The following MCC variants were observed in gnomAD, a reference collection of about 807,000 sequenced individuals.
The protein encoded by MCC is MCC regulator of Wnt signaling pathway, also known as colorectal mutant cancer protein.
MCC carries 90 observed loss-of-function variants against 116.2 expected under a neutral mutation model. The ratio of observed to expected loss-of-function variants is 0.77; its 90% confidence interval spans 0.65 to 0.92. The LOEUF (loss-of-function observed/expected upper bound fraction) is 0.92. MCC is among the 40% of genes least tolerant of loss of function. MCC has a pLI of 0.00. For synonymous variants in MCC, 578 were observed against 510.5 expected (o/e 1.13, Z -1.78); for missense variants, 1,516 against 1,312.2 (o/e 1.16, Z -2.40).
chr5:113,307,462 C>T (rs1242518645), intron 3 of MCC, among the ~76,000 whole-genome samples: 2 of 151,984 alleles, frequency 1.3e-5, no homozygotes, highest in African/African-American at 4.8e-5. Context: ...TATGAATGTA[C>T]AGAATTGCAA....
chr5:113,275,118 T>A (rs887255807), intron 3 of MCC, among the ~76,000 whole-genome samples: 1 of 151,962 alleles, frequency 6.6e-6, no homozygotes, highest in Non-Finnish European at 1.5e-5. Context: ...AGCCAGTCCA[T>A]CGCGCGGGTG....
At chr5:113,119,557 A>C (rs3922585) in intron 6 of MCC, among the ~76,000 whole-genome samples, 67,285 of 152,184 alleles carry the variant, frequency 0.44, 17,838 homozygotes, top group East Asian at 0.64. Flanking sequence ...AGAAGCAGGG[A>C]CCGCCCTGTT....
intron 1 of MCC, among the ~76,000 whole-genome samples, chr5:113,388,820 C>G (rs1769334573): frequency 6.6e-6 from 1 of 152,138 alleles, no homozygotes; most frequent in Non-Finnish European, 1.5e-5. Flanking sequence ...TATGATATGA[C>G]AGTTGAAAGA....
chr5:113,302,378 A>G (rs1054034023), intron 3 of MCC, among the ~76,000 whole-genome samples: 1 of 152,210 alleles, frequency 6.6e-6, no homozygotes, highest in Non-Finnish European at 1.5e-5. Flanking sequence ...TGCATATTAA[A>G]AGAGACTCAA....
rs558038599 is a variant in MCC at position 113,051,102 on chromosome 5, A to G, written c.2449-1803T>C. Among the ~76,000 whole-genome samples, 19 of 152,342 alleles carry G rather than the reference A, an allele frequency of 1.2e-4. No homozygotes were observed. The South Asian group carries it at 2.5e-3, about 20-fold the overall frequency. On this transcript the variant is annotated intron_variant, in intron 15 of 18. Coordinates refer to ENST00000408903, the MANE Select transcript of MCC (RefSeq NM_001085377.2). Reference sequence around the variant, plus strand: ...ACAGGAATCCAGAGCCAAGAACTTAATAACAACTAGTCCTAAACCTCAGAA... The same window carrying G: ...ACAGGAATCCAGAGCCAAGAACTTAGTAACAACTAGTCCTAAACCTCAGAA...
intron 3 of MCC, among the ~76,000 whole-genome samples, chr5:113,165,193 T>C (rs980563488): frequency 3.3e-5 from 5 of 152,192 alleles, no homozygotes; most frequent in Non-Finnish European, 7.3e-5. Flanking sequence ...AATCTGGTGG[T>C]TTGAGTCTAG....
chr5:113,118,753 T>C (rs374521986), intron 6 of MCC, among the ~76,000 whole-genome samples: 7 of 152,178 alleles, frequency 4.6e-5, no homozygotes, highest in East Asian at 3.9e-4. Flanking sequence ...AAAAATTTAA[T>C]TGGAAAATGG....
At chr5:113,429,563 C>A (rs1275557892) in intron 1 of MCC, among the ~76,000 whole-genome samples, 3 of 152,194 alleles carry the variant, frequency 2.0e-5, no homozygotes, top group Non-Finnish European at 4.4e-5. Flanking sequence ...TTGTTTTCCT[C>A]TTTAGCTCTG....
intron 3 of MCC, among the ~76,000 whole-genome samples, chr5:113,279,200 G>T (rs1765941294): frequency 6.6e-6 from 1 of 152,206 alleles, no homozygotes; most frequent in Non-Finnish European, 1.5e-5. Flanking sequence ...CACTACATCA[G>T]CCTCATCATT....
chr5:113,459,381 CA>C (rs1213915471), intron 1 of MCC, among the ~76,000 whole-genome samples: 1 of 151,420 alleles, frequency 6.6e-6, no homozygotes, highest in East Asian at 1.9e-4. Flanking sequence ...CCTAAAAATA[CA>C]AAAAAATTGG....
At chr5:113,219,825 C>A (rs916139807) in intron 3 of MCC, among the ~76,000 whole-genome samples, 2 of 152,036 alleles carry the variant, frequency 1.3e-5, no homozygotes, top group African/African-American at 4.8e-5. Context: ...TCCAACCTGG[C>A]CTTCAGAATG....
intron 8 of MCC, among the ~76,000 whole-genome samples, chr5:113,087,584 C>A (rs371635797): frequency 6.6e-6 from 1 of 152,122 alleles, no homozygotes; most frequent in Non-Finnish European, 1.5e-5. Context: ...GGGGAAACCT[C>A]CCGGTGGAGA....
intron 3 of MCC, among the ~76,000 whole-genome samples, chr5:113,211,970 C>T (rs1763150872): frequency 6.6e-6 from 1 of 152,042 alleles, no homozygotes; most frequent in African/African-American, 2.4e-5. Flanking sequence ...AGTAAAGTAC[C>T]TCTAATTTTC....
chr5:113,472,878 T>TA (rs1772131112), intron 1 of MCC, among the ~76,000 whole-genome samples: 1 of 152,210 alleles, frequency 6.6e-6, no homozygotes, highest in Admixed American at 6.5e-5. Flanking sequence ...AAATGCTATT[T>TA]GGGAGTGTGA....
chr5:113,132,469 CACACACACAT>C (rs1758521181), intron 5 of MCC, among the ~76,000 whole-genome samples: 3 of 128,420 alleles, frequency 2.3e-5, no homozygotes, highest in African/African-American at 9.4e-5. Context: ...CACACACACA[CACACACACAT>C]ACATATATAT....
chr5:113,058,519 C>G lies in MCC; in HGVS notation c.2214-4560G>C, dbSNP rs79362890. Among the ~76,000 whole-genome samples the G allele has an allele frequency of 4.9e-3, 748 of 152,298 alleles. 5 individuals carry two copies. The highest frequency in any genetic ancestry group is 0.017 in the African/African-American group (723 of 41,572). On this transcript the variant is annotated intron_variant, in intron 14 of 18. Coordinates refer to ENST00000408903, the MANE Select transcript of MCC (RefSeq NM_001085377.2). ...AGGTGTGAGAAGCACTGGTCTCCCC[C>G]TCAGGCTAAGTGGGCATTTGCTCAG... is the stretch of plus-strand genomic sequence containing the variant.
intron 1 of MCC, among the ~76,000 whole-genome samples, chr5:113,422,379 TTGTTGTTCA>T (rs1561562928): frequency 6.6e-6 from 1 of 152,220 alleles, no homozygotes; most frequent in Non-Finnish European, 1.5e-5. Context: ...TTTATTATAT[TTGTTGTTCA>T]TGTAATTTAT....
intron 3 of MCC, among the ~76,000 whole-genome samples, chr5:113,171,113 C>A (rs549595741): frequency 2.2e-4 from 33 of 152,142 alleles, no homozygotes; most frequent in Middle Eastern, 3.4e-3. Context: ...CCTACATCCA[C>A]AAGAAAGCTC....
At chr5:113,117,557 A>T (rs1757465726) in intron 6 of MCC, among the ~76,000 whole-genome samples, 1 of 152,238 alleles carries the variant, frequency 6.6e-6, no homozygotes, top group Admixed American at 6.5e-5. Flanking sequence ...GAAAAATAAA[A>T]ATTTCTCACC....
Sources: gnomAD v4.1 joint callset for allele counts (sites outside exome capture counted in the v4.1 genomes callset) on GRCh38, gnomAD v4.1.1 for gene constraint, MANE v1.5 for transcripts, NCBI Gene and HGNC (gene_info 2026-07-23, HGNC 2026-07-21) for gene names.